The following FBXO11 variants were observed in gnomAD, a reference collection of about 807,000 sequenced individuals.
The protein encoded by FBXO11 is F-box only protein 11.
In FBXO11, 13 loss-of-function variants were observed where a neutral mutation model predicts 117.0. The observed-to-expected ratio is 0.11, with a 90% CI of 0.07 to 0.18. The LOEUF (loss-of-function observed/expected upper bound fraction) is 0.18, where lower values mean the gene tolerates loss of function less well. Among genes scored for constraint, FBXO11 ranks in the 10% least tolerant of loss-of-function variants. The pLI, the probability that FBXO11 is intolerant of heterozygous loss-of-function variation, is 1.00. For synonymous variants in FBXO11, 490 were observed against 380.5 expected (o/e 1.29, Z -3.35); for missense variants, 767 against 1,164.4 (o/e 0.66, Z 4.97).
At chr2:47,890,913 G>C (rs1391199940) in intron 1 of FBXO11, among the ~76,000 whole-genome samples, 1 of 152,082 alleles carries the variant, frequency 6.6e-6, no homozygotes, top group East Asian at 1.9e-4. Context: ...GACCTCTAGA[G>C]CTTAAGTGAT....
chr2:47,872,009 A>G (rs549043084), intron 1 of FBXO11, among the ~76,000 whole-genome samples: 1 of 152,198 alleles, frequency 6.6e-6, no homozygotes, highest in African/African-American at 2.4e-5. Context: ...GACTTCACAA[A>G]TAACAGTAGC....
intron 18 of FBXO11, among the ~76,000 whole-genome samples, chr2:47,812,399 G>C (rs540503234): frequency 1.3e-5 from 2 of 152,204 alleles, no homozygotes; most frequent in East Asian, 3.9e-4. Context: ...TTCAAAACAC[G>C]GCTCAAAAGT....
chr2:47,870,811 AC>A (rs1675567620), intron 1 of FBXO11, among the ~76,000 whole-genome samples: 1 of 152,248 alleles, frequency 6.6e-6, no homozygotes, highest in African/African-American at 2.4e-5. Context: ...TGTGGAACAC[AC>A]AGGCTGTCAC....
At chr2:47,890,145 T>C (rs1677154211) in intron 1 of FBXO11, among the ~76,000 whole-genome samples, 1 of 152,034 alleles carries the variant, frequency 6.6e-6, no homozygotes, top group Non-Finnish European at 1.5e-5. Context: ...TTTATTTATT[T>C]ATTTCAGAGA....
chr2:47,814,052 C>T (rs1670829223), intron 16 of FBXO11, 185 bp from the exon 17 acceptor site: 2 of 527,078 alleles, frequency 3.8e-6, no homozygotes, highest in Admixed American at 3.3e-5. Flanking sequence ...TCCCACAGAA[C>T]ATACTTTACT....
chr2:47,870,494 C>T (rs1675544049), intron 1 of FBXO11, among the ~76,000 whole-genome samples: 2 of 152,070 alleles, frequency 1.3e-5, no homozygotes, highest in Non-Finnish European at 2.9e-5. Context: ...GAGGAAAGTG[C>T]CAATGTGAAG....
In FBXO11 at chr2:47,883,264, T is replaced by C. The variant is rs542791788; in HGVS notation, c.232+22225A>G. Among the ~76,000 whole-genome samples the C allele has an allele frequency of 7.2e-5, 11 of 152,316 alleles. 1 individual carries two copies. In the South Asian group the frequency reaches 2.3e-3, roughly 32 times the overall value. ...TGAAGCAGCTATTTACATAGATTCC[T>C]GGGAGTGGGAAAGGAAGGAAATAAC... On this transcript the variant is annotated intron_variant, in intron 1 of 22. Transcript: ENST00000403359.
Position 47,889,229 on chromosome 2 carries a change from C to T in FBXO11, c.232+16260G>A, listed in dbSNP as rs191016071. On this transcript the variant is annotated intron_variant, in intron 1 of 22. Coordinates refer to ENST00000403359, the MANE Select transcript of FBXO11 (RefSeq NM_001190274.2). ...AAATCCGGTTATGTTGCTTTTCTTC[C>T]TTCTTCAGCTACTAAAAGCCACTGT... Among the ~76,000 whole-genome samples, 707 of 152,208 alleles carry T rather than the reference C, an allele frequency of 4.6e-3. 2 individuals carry two copies. The highest frequency in any genetic ancestry group is 7.8e-3 in the Admixed American group (119 of 15,280).
At chr2:47,828,261 G>A (rs887651083) in intron 11 of FBXO11, among the ~76,000 whole-genome samples, 5 of 152,200 alleles carry the variant, frequency 3.3e-5, no homozygotes, top group Non-Finnish European at 1.5e-5. Context: ...GATTACAGGT[G>A]TGAGCCACTG....
intron 1 of FBXO11, among the ~76,000 whole-genome samples, chr2:47,895,188 G>A (rs1205827564): frequency 6.6e-6 from 1 of 151,952 alleles, no homozygotes; most frequent in African/African-American, 2.4e-5. Flanking sequence ...AAAAAATGCA[G>A]AAAAATAAAA....
At chr2:47,836,981 G>C (rs1166857362) in intron 4 of FBXO11, 1 of 342,982 alleles carries the variant, frequency 2.9e-6, no homozygotes, top group Non-Finnish European at 5.7e-6. Flanking sequence ...CAAGTAATCT[G>C]CCCACTTCAG....
chr2:47,895,238 CA>C (rs1376440294), intron 1 of FBXO11, among the ~76,000 whole-genome samples: 1 of 152,064 alleles, frequency 6.6e-6, no homozygotes, highest in Non-Finnish European at 1.5e-5. Context: ...CATCCAAACA[CA>C]AAAACAATCC....
chr2:47,809,858 C>A (rs964299186), intron 19 of FBXO11, 151 bp from the exon 20 acceptor site: 9 of 564,630 alleles, frequency 1.6e-5, no homozygotes, highest in Non-Finnish European at 2.5e-5. Context: ...CTATTTCAAC[C>A]ACCAACAGTA....
intron 13 of FBXO11, 42 bp downstream of exon 13, chr2:47,822,176 A>T (rs745341636): frequency 3.0e-6 from 4 of 1,313,570 alleles, no homozygotes; most frequent in Non-Finnish European, 4.3e-6. Context: ...TCAAGAAGAC[A>T]TACAAATCTA....
At chr2:47,855,761 G>A (rs559786717) in intron 1 of FBXO11, among the ~76,000 whole-genome samples, 1 of 152,170 alleles carries the variant, frequency 6.6e-6, no homozygotes, top group African/African-American at 2.4e-5. Context: ...GAACCTGGGA[G>A]GCAGAGGTTC....
At chr2:47,851,667 A>G (rs1168202296) in intron 1 of FBXO11, among the ~76,000 whole-genome samples, 2 of 152,224 alleles carry the variant, frequency 1.3e-5, no homozygotes, top group Non-Finnish European at 2.9e-5. Flanking sequence ...AGGTGTTATA[A>G]AAGTATAAAA....
At chr2:47,859,258 A>G (rs1674567880) in intron 1 of FBXO11, among the ~76,000 whole-genome samples, 1 of 152,108 alleles carries the variant, frequency 6.6e-6, no homozygotes, top group South Asian at 2.1e-4. Flanking sequence ...AATGTACCCA[A>G]CTAATCTGAA....
chr2:47,888,311 A>T (rs925182606), intron 1 of FBXO11, among the ~76,000 whole-genome samples: 2 of 152,220 alleles, frequency 1.3e-5, no homozygotes, highest in Non-Finnish European at 2.9e-5. Context: ...CTCTAAATCC[A>T]AACATCACTC....
At chr2:47,863,052 T>C (rs1269675782) in intron 1 of FBXO11, among the ~76,000 whole-genome samples, 5 of 129,914 alleles carry the variant, frequency 3.8e-5, no homozygotes, top group Non-Finnish European at 8.1e-5. Flanking sequence ...TAAAACTGTG[T>C]CTCAAAAAAA....
Sources: gnomAD v4.1 joint callset for allele counts (sites outside exome capture counted in the v4.1 genomes callset) on GRCh38, gnomAD v4.1.1 for gene constraint, MANE v1.5 for transcripts, NCBI Gene and HGNC (gene_info 2026-07-23, HGNC 2026-07-21) for gene names.